SCHIP1: variants seen among roughly 807,000 people sequenced by gnomAD.
SCHIP1 encodes schwannomin interacting protein 1.
Under a neutral mutation model 29.7 loss-of-function variants are expected in SCHIP1, and 8 were observed. The ratio of observed to expected loss-of-function variants is 0.27; its 90% CI spans 0.16 to 0.49. The LOEUF is 0.49. Ranked by LOEUF, SCHIP1 falls within the 20% of genes least tolerant of loss-of-function variation. The probability of loss-of-function intolerance (pLI) is 0.99; values close to 1 mark genes in which losing one functional copy is unlikely to be tolerated. For synonymous variants in SCHIP1, 76 were observed against 94.9 expected (o/e 0.80, Z 1.16); for missense variants, 193 against 294.6 (o/e 0.66, Z 2.52).
the SCHIP1 span, among the ~76,000 whole-genome samples, chr3:159,589,196 G>C: frequency 6.6e-6 from 1 of 152,094 alleles, no homozygotes; most frequent in African/African-American, 2.4e-5. Flanking sequence ...TTGTAAGTTG[G>C]ATTCCTAGGT....
the SCHIP1 span, among the ~76,000 whole-genome samples, chr3:159,784,990 G>A: frequency 6.6e-6 from 1 of 152,114 alleles, no homozygotes. Flanking sequence ...TAGGTCTGAG[G>A]AAATTATTTA....
the SCHIP1 span, among the ~76,000 whole-genome samples, chr3:159,575,349 C>G: frequency 6.6e-6 from 1 of 152,016 alleles, no homozygotes; most frequent in African/African-American, 2.4e-5. Flanking sequence ...TTTTTTCCCC[C>G]ACTTCTTTTC....
the SCHIP1 span, among the ~76,000 whole-genome samples, chr3:159,638,815 GA>G: frequency 6.6e-6 from 1 of 151,810 alleles, no homozygotes; most frequent in Non-Finnish European, 1.5e-5. Context: ...ACGTATTTAT[GA>G]ATATTCACAT....
At chr3:159,829,927 GTCTTA>G in the SCHIP1 span, among the ~76,000 whole-genome samples, 7 of 152,188 alleles carry the variant, frequency 4.6e-5, no homozygotes, top group African/African-American at 1.2e-4. Flanking sequence ...TGGGTACTCT[GTCTTA>G]TCTTGTTTAT....
At chr3:159,774,497 C>G in the SCHIP1 span, among the ~76,000 whole-genome samples, 4 of 152,156 alleles carry the variant, frequency 2.6e-5, no homozygotes, top group Non-Finnish European at 5.9e-5. Flanking sequence ...TATGCATATA[C>G]TTAATCTAAT....
At chr3:159,282,992 C>T in the SCHIP1 span, among the ~76,000 whole-genome samples, 10 of 151,892 alleles carry the variant, frequency 6.6e-5, no homozygotes, top group Admixed American at 6.6e-4. Context: ...ATAGCAATTG[C>T]ATCAAATCTG....
At chr3:159,381,352 A>G in the SCHIP1 span, among the ~76,000 whole-genome samples, 2 of 152,314 alleles carry the variant, frequency 1.3e-5, no homozygotes, top group Non-Finnish European at 2.9e-5. Context: ...TTCTCTTTTA[A>G]AAACTCTGAA....
chr3:159,341,437 C>T, the SCHIP1 span, among the ~76,000 whole-genome samples: 4 of 152,136 alleles, frequency 2.6e-5, no homozygotes, highest in East Asian at 7.7e-4. Flanking sequence ...GGGCAAATTA[C>T]CCCTCATACT....
the SCHIP1 span, among the ~76,000 whole-genome samples, chr3:159,394,362 G>T: frequency 3.3e-5 from 5 of 152,078 alleles, no homozygotes; most frequent in African/African-American, 1.2e-4. Flanking sequence ...TTGAATAGGA[G>T]TGGTGAGAGA....
chr3:159,617,664 AGAT>A, the SCHIP1 span, among the ~76,000 whole-genome samples: 1 of 152,190 alleles, frequency 6.6e-6, no homozygotes, highest in Non-Finnish European at 1.5e-5. Context: ...GCTTTGTCCC[AGAT>A]GATTATTCTT....
At chr3:159,365,837 G>A in the SCHIP1 span, among the ~76,000 whole-genome samples, 2 of 152,114 alleles carry the variant, frequency 1.3e-5, no homozygotes, top group Admixed American at 6.6e-5. Flanking sequence ...TTATCATTGT[G>A]TCTTGCTATC....
At chr3:159,447,047 T>C in the SCHIP1 span, among the ~76,000 whole-genome samples, 1 of 152,168 alleles carries the variant, frequency 6.6e-6, no homozygotes, top group Non-Finnish European at 1.5e-5. Context: ...AGGAAAAACC[T>C]AGCCTCCCAC....
the SCHIP1 span, among the ~76,000 whole-genome samples, chr3:159,485,163 C>G: frequency 6.6e-6 from 1 of 152,110 alleles, no homozygotes; most frequent in Non-Finnish European, 1.5e-5. Context: ...GATATCCACA[C>G]TTTCCCAGAA....
At chr3:159,802,720 C>T in the SCHIP1 span, among the ~76,000 whole-genome samples, 37 of 152,224 alleles carry the variant, frequency 2.4e-4, no homozygotes, top group Middle Eastern at 3.4e-3. Flanking sequence ...AAAACATAAA[C>T]AGTGGATATA....
At chr3:159,277,408 G>A in the SCHIP1 span, among the ~76,000 whole-genome samples, 179 of 151,860 alleles carry the variant, frequency 1.2e-3, no homozygotes, top group African/African-American at 4.2e-3. Context: ...TAAGATTCCT[G>A]GAAATATAAA....
At chr3:159,380,244 A>G in the SCHIP1 span, among the ~76,000 whole-genome samples, 2 of 152,214 alleles carry the variant, frequency 1.3e-5, no homozygotes, top group African/African-American at 4.8e-5. Context: ...AATCCCATTC[A>G]TCGATGGGCA....
At chr3:159,636,968 G>T in the SCHIP1 span, among the ~76,000 whole-genome samples, 1 of 152,098 alleles carries the variant, frequency 6.6e-6, no homozygotes, top group Non-Finnish European at 1.5e-5. Flanking sequence ...CAATTACCTA[G>T]AATTTTCTCA....
At chr3:159,538,044 T>G in the SCHIP1 span, among the ~76,000 whole-genome samples, 1 of 152,158 alleles carries the variant, frequency 6.6e-6, no homozygotes, top group African/African-American at 2.4e-5. Context: ...ATTAGCCATG[T>G]TGCCAGAGTG....
chr3:159,613,948 TAAC>T, the SCHIP1 span, among the ~76,000 whole-genome samples: 1 of 152,226 alleles, frequency 6.6e-6, no homozygotes, highest in African/African-American at 2.4e-5. Context: ...CTTCAATTAA[TAAC>T]AATAATGTAT....
Sources: gnomAD v4.1 joint callset for allele counts (sites outside exome capture counted in the v4.1 genomes callset) on GRCh38, gnomAD v4.1.1 for gene constraint, MANE v1.5 for transcripts, NCBI Gene and HGNC (gene_info 2026-07-23, HGNC 2026-07-21) for gene names.